FAM13A: variants seen among roughly 807,000 people sequenced by gnomAD.
The protein encoded by FAM13A is family with sequence similarity 13 member A.
A neutral mutation model predicts 129.6 loss-of-function variants in FAM13A; 76 were observed. The ratio of observed to expected loss-of-function variants is 0.59; its 90% CI spans 0.49 to 0.71. FAM13A has a LOEUF of 0.71. FAM13A is among the 30% of genes least tolerant of loss of function. The pLI is 0.00. For synonymous variants in FAM13A, 443 were observed against 449.9 expected (o/e 0.98, Z 0.20); for missense variants, 1,108 against 1,249.3 (o/e 0.89, Z 1.70).
intron 3 of FAM13A, among the ~76,000 whole-genome samples, chr4:89,007,497 GC>G (rs1177457659): frequency 6.6e-6 from 1 of 152,122 alleles, no homozygotes; most frequent in African/African-American, 2.4e-5. Flanking sequence ...CATACCTGTA[GC>G]CCCTGCCAAC....
intron 6 of FAM13A, among the ~76,000 whole-genome samples, chr4:88,876,002 G>A (rs1166904839): frequency 6.6e-6 from 1 of 152,202 alleles, no homozygotes; most frequent in African/African-American, 2.4e-5. Context: ...GGACACGGAT[G>A]AAGCTGGAAA....
At chr4:88,998,712 T>C (rs1356516356) in intron 3 of FAM13A, among the ~76,000 whole-genome samples, 1 of 152,228 alleles carries the variant, frequency 6.6e-6, no homozygotes, top group African/African-American at 2.4e-5. Context: ...AATATGTATT[T>C]ACAGAAGAAT....
chr4:88,934,478 T>C (rs1490867873), intron 5 of FAM13A, among the ~76,000 whole-genome samples: 3 of 152,304 alleles, frequency 2.0e-5, no homozygotes, highest in African/African-American at 7.2e-5. Context: ...ATTTTGTGTA[T>C]GTAAATATCT....
At chr4:88,961,347 C>CCTTTTTTTTTTTTT (rs1758576746) in intron 4 of FAM13A, among the ~76,000 whole-genome samples, 1 of 55,424 alleles carries the variant, frequency 1.8e-5, no homozygotes, top group Non-Finnish European at 3.4e-5. Context: ...TGGAATTTGC[C>CCTTTTTTTTTTTTT]TTTTTTTTTT....
chr4:88,921,464 G>A (rs952071448), intron 5 of FAM13A, among the ~76,000 whole-genome samples: 10 of 152,188 alleles, frequency 6.6e-5, no homozygotes, highest in Non-Finnish European at 1.0e-4. Flanking sequence ...CTTCATAAGT[G>A]AAGGAGAAAT....
intron 1 of FAM13A, among the ~76,000 whole-genome samples, chr4:89,031,727 A>G (rs999700672): frequency 1.2e-4 from 18 of 152,244 alleles, no homozygotes; most frequent in African/African-American, 2.9e-4. Flanking sequence ...AAAGGGAAAC[A>G]TGGTTGAGAC....
intron 14 of FAM13A, among the ~76,000 whole-genome samples, chr4:88,755,707 CTT>C (rs1743477208): frequency 1.1e-5 from 1 of 90,610 alleles, no homozygotes; most frequent in South Asian, 2.8e-4. Context: ...TTTAAGATCT[CTT>C]GTTTTTCTAT....
At chr4:88,768,916 A>G (rs1031183527) in intron 11 of FAM13A, among the ~76,000 whole-genome samples, 5 of 152,200 alleles carry the variant, frequency 3.3e-5, no homozygotes, top group Non-Finnish European at 7.3e-5. Flanking sequence ...TAAGTAAGCC[A>G]TTTCCTTGAA....
intron 13 of FAM13A, 151 bp from the exon 14 acceptor site, chr4:88,759,052 C>G (rs966802363): frequency 9.5e-6 from 7 of 733,282 alleles, no homozygotes; most frequent in Admixed American, 5.9e-5. Flanking sequence ...TGATGCCCCC[C>G]GGATCCTAGC....
At chr4:88,830,876 A>G (rs1733784541) in intron 7 of FAM13A, among the ~76,000 whole-genome samples, 2 of 152,214 alleles carry the variant, frequency 1.3e-5, no homozygotes, top group Admixed American at 1.3e-4. Flanking sequence ...ACAGAAAATA[A>G]GATTCAAAAC....
Position 89,057,123 on chromosome 4 carries a change from A to C in FAM13A, c.-159T>G. ...AGCGAAGAGCAGCTTCTAACATTTTAGGAAGAGTGGTTTTGCTTCTCTTTC... is the reference window on the plus strand; with the variant it reads ...AGCGAAGAGCAGCTTCTAACATTTTCGGAAGAGTGGTTTTGCTTCTCTTTC... On this transcript the variant is annotated 5_prime_UTR_variant, in exon 1 of 24. It removes the in-frame stop codon of an upstream open reading frame in the 5' UTR. Coordinates refer to ENST00000264344, the MANE Select transcript of FAM13A (RefSeq NM_014883.4). 6.9e-7 allele frequency: 1 copy of C among 1,449,362 alleles called. No individual in the cohort carries two copies. The highest frequency in any genetic ancestry group is 1.5e-5 in the South Asian group (1 of 65,032). 89.8% of individuals were successfully genotyped at this position (1,449,362 alleles called of 1,614,324 possible).
chr4:88,888,868 G>A (rs1002808624), intron 6 of FAM13A, among the ~76,000 whole-genome samples: 14 of 151,398 alleles, frequency 9.2e-5, no homozygotes, highest in East Asian at 3.9e-4. Context: ...CCCGGGAGGC[G>A]GAGCTTGCAG....
intron 6 of FAM13A, among the ~76,000 whole-genome samples, chr4:88,901,297 T>G (rs1446364871): frequency 6.6e-6 from 1 of 152,158 alleles, no homozygotes; most frequent in African/African-American, 2.4e-5. Context: ...GCAGACCTGA[T>G]AGATACCTAC....
chr4:89,045,793 G>C (rs1419672190), intron 1 of FAM13A, among the ~76,000 whole-genome samples: 2 of 152,084 alleles, frequency 1.3e-5, no homozygotes, highest in African/African-American at 4.8e-5. Flanking sequence ...GGAGGCCAAA[G>C]CGGGCAGATT....
intron 5 of FAM13A, among the ~76,000 whole-genome samples, chr4:88,934,691 T>C (rs1157318613): frequency 6.6e-6 from 1 of 152,188 alleles, no homozygotes; most frequent in African/African-American, 2.4e-5. Flanking sequence ...AAAATGTTCC[T>C]ATGTAAATTC....
chr4:88,759,788 G>C (rs891831597), intron 13 of FAM13A, among the ~76,000 whole-genome samples: 23 of 152,278 alleles, frequency 1.5e-4, no homozygotes, highest in African/African-American at 5.5e-4. Context: ...GGGATGGAGA[G>C]ATCCTCCCCA....
At position 88,938,071 on chromosome 4, in the gene FAM13A, A is replaced by G. The variant is rs1754129230; in HGVS notation, c.759+17T>C. 1 of 1,606,196 alleles carries G rather than the reference A, an allele frequency of 6.2e-7. No homozygotes were observed. Among genetic ancestry groups the G allele is most frequent in the Non-Finnish European group, 8.5e-7 (1 of 1,174,120 alleles). On this transcript the variant is annotated intron_variant, in intron 5 of 23. Transcript: ENST00000264344. ...AAAATTATAGCAATACTGAAAATTA[A>G]AAACCAAGTTGCTTACTTTTACTAT... is the stretch of plus-strand genomic sequence containing the variant.
At chr4:88,831,049 G>A (rs1251954903) in intron 7 of FAM13A, among the ~76,000 whole-genome samples, 2 of 151,690 alleles carry the variant, frequency 1.3e-5, no homozygotes, top group African/African-American at 2.4e-5. Context: ...ATAAAAAGTG[G>A]TTAAAAATAA....
chr4:88,789,390 T>C (rs927542844), intron 9 of FAM13A, among the ~76,000 whole-genome samples: 3 of 152,158 alleles, frequency 2.0e-5, no homozygotes, highest in Non-Finnish European at 4.4e-5. Flanking sequence ...TCATTTCAAC[T>C]AGTGCTTCTT....
Sources: gnomAD v4.1 joint callset for allele counts (sites outside exome capture counted in the v4.1 genomes callset) on GRCh38, gnomAD v4.1.1 for gene constraint, MANE v1.5 for transcripts, NCBI Gene and HGNC (gene_info 2026-07-23, HGNC 2026-07-21) for gene names.